GAK: variants seen among roughly 807,000 people sequenced by gnomAD.
GAK encodes cyclin G associated kinase.
A neutral mutation model predicts 143.9 loss-of-function variants in GAK; 79 were observed. The ratio of observed to expected loss-of-function variants is 0.55; its 90% confidence interval spans 0.46 to 0.66. The LOEUF (loss-of-function observed/expected upper bound fraction) is 0.66, where lower values mean the gene tolerates loss of function less well. Ranked by LOEUF, GAK falls within the 30% of genes least tolerant of loss-of-function variation. The pLI, the probability that GAK is intolerant of heterozygous loss-of-function variation, is 0.00. For missense variants in GAK, 1,693 were observed against 1,779.7 expected (o/e 0.95, Z 0.88); for synonymous variants, 881 against 765.5 (o/e 1.15, Z -2.49).
intron 24 of GAK, among the ~76,000 whole-genome samples, chr4:854,788 G>A (rs75178166): frequency 0.039 from 5,986 of 152,316 alleles, 143 homozygotes; most frequent in East Asian, 0.1. Context: ...GCTCACGCCT[G>A]TAATCCCAGC....
At position 932,140 on chromosome 4, in the gene GAK, G is replaced by A. The variant is rs1045993528; in HGVS notation, c.48C>T (p.Ser16=). The change falls in exon 1 of 28, where the codon TCC becomes TCT. Residue 16 remains serine, a synonymous_variant. Transcript: ENST00000314167. This position sits in a 1 kb window ranked among gnomAD's most constrained non-coding sequence, Gnocchi z 4.0. ...SALDFLAGPG[S]LGGASGRDQS... is the part of the protein sequence containing the mutation. ...GGTCGCGGCCGGAAGCACCGCCCAG[G>A]GAGCCTGGACCCGCCAAGAAGTCGA... is the stretch of plus-strand genomic sequence containing the variant. 5.7e-6 allele frequency: 9 copies of A among 1,586,790 alleles called. No individual in the cohort carries two copies. The African/African-American group carries it at 1.1e-4, about 19-fold the overall frequency.
At chr4:892,486 G>C (rs992029853) in intron 9 of GAK, among the ~76,000 whole-genome samples, 1 of 152,224 alleles carries the variant, frequency 6.6e-6, no homozygotes, top group East Asian at 1.9e-4. Flanking sequence ...GGTCAGAAAA[G>C]ACTCTGAGGA....
Position 866,347 on chromosome 4 carries a change from A to G in GAK, c.3043+17T>C, listed in dbSNP as rs1267245089. Reference sequence around the variant, plus strand: ...AGGCGGCCATGGAGAGCTGGCTGCCAGGCGAGAGGCACTTACCCAGGTGCA... The same window carrying G: ...AGGCGGCCATGGAGAGCTGGCTGCCGGGCGAGAGGCACTTACCCAGGTGCA... On this transcript the variant is annotated intron_variant, in intron 22 of 27. Transcript: ENST00000314167. 2.5e-6 allele frequency: 4 copies of G among 1,612,326 alleles called. No homozygotes were observed. Among genetic ancestry groups the G allele is most frequent in the Non-Finnish European group, 2.5e-6 (3 of 1,179,042 alleles).
At chr4:901,096 A>G (rs1029545621) in intron 5 of GAK, among the ~76,000 whole-genome samples, 3 of 152,264 alleles carry the variant, frequency 2.0e-5, no homozygotes, top group African/African-American at 7.2e-5. Flanking sequence ...ATAAAGTAGG[A>G]GTGTACAGCC....
chr4:856,704 T>A (rs1186153670), intron 24 of GAK, among the ~76,000 whole-genome samples: 1 of 89,744 alleles, frequency 1.1e-5, no homozygotes, highest in Non-Finnish European at 2.3e-5. Flanking sequence ...CTGCCCACAT[T>A]TGCTCACCAC....
intron 1 of GAK, among the ~76,000 whole-genome samples, chr4:926,738 C>T (rs56353809): frequency 0.27 from 41,606 of 152,028 alleles, 5,859 homozygotes; most frequent in Non-Finnish European, 0.32. Flanking sequence ...CAGGGGGCAG[C>T]TACTCTGTGG....
At chr4:864,716 A>G (rs1750850031) in intron 23 of GAK, among the ~76,000 whole-genome samples, 1 of 152,134 alleles carries the variant, frequency 6.6e-6, no homozygotes, top group Admixed American at 6.5e-5. Flanking sequence ...GACAAGACCC[A>G]TGGGGTCGGC....
intron 24 of GAK, chr4:853,118 C>T (rs6843215): frequency 0.059 from 9,029 of 152,242 alleles, 307 homozygotes; most frequent in Middle Eastern, 0.088. Flanking sequence ...GTGTGAGCCA[C>T]CATGCCCAGA....
intron 7 of GAK, 43 bp from the exon 8 acceptor site, chr4:894,052 C>A: frequency 6.6e-7 from 1 of 1,515,716 alleles, no homozygotes; most frequent in Non-Finnish European, 8.9e-7. Flanking sequence ...ACGGGGAGCG[C>A]AGGGGTGACG....
intron 14 of GAK, among the ~76,000 whole-genome samples, 183 bp downstream of exon 14, chr4:882,514 G>C (rs1432138917): frequency 6.6e-6 from 1 of 152,242 alleles, no homozygotes; most frequent in Non-Finnish European, 1.5e-5. Flanking sequence ...GGGGAGGGAA[G>C]GGCGGGGCCA....
chr4:910,765 AGG>A (rs764401159), intron 4 of GAK, among the ~76,000 whole-genome samples: 5 of 90,902 alleles, frequency 5.5e-5, no homozygotes, highest in Admixed American at 3.9e-4. Context: ...GGACAGACGC[AGG>A]GGTCACTAGT....
chr4:851,089 A>G lies in GAK; in HGVS notation c.3509-5T>C. 3.7e-6 allele frequency: 6 copies of G among 1,612,394 alleles called. No homozygotes were observed. Among genetic ancestry groups the G allele is most frequent in the Non-Finnish European group, 5.1e-6 (6 of 1,179,192 alleles). ...CAGAGACTTTTGGCTTTTGAGCTAG[A>G]AAAGAACAGAAACTTTTTTTTGTTT... On this transcript the variant is annotated splice_polypyrimidine_tract_variant and splice_region_variant and intron_variant, in intron 25 of 27. Coordinates refer to ENST00000314167, the MANE Select transcript of GAK (RefSeq NM_005255.4).
chr4:916,288 C>T (rs938271254), intron 1 of GAK, among the ~76,000 whole-genome samples: 1 of 152,120 alleles, frequency 6.6e-6, no homozygotes, highest in African/African-American at 2.4e-5. Flanking sequence ...GAGACAGGGT[C>T]CTACTCTGTC....
At chr4:902,849 A>G (rs1487134972) in intron 5 of GAK, among the ~76,000 whole-genome samples, 2 of 152,220 alleles carry the variant, frequency 1.3e-5, no homozygotes, top group Non-Finnish European at 2.9e-5. Context: ...CACACAAGCC[A>G]GTGGAAAATC....
intron 4 of GAK, among the ~76,000 whole-genome samples, chr4:907,515 CT>C (rs796693312): frequency 3.3e-5 from 5 of 152,340 alleles, no homozygotes; most frequent in African/African-American, 1.2e-4. Context: ...ATGGGCGAGT[CT>C]GTTTCAGTGG....
At chr4:858,151 C>A in intron 24 of GAK, among the ~76,000 whole-genome samples, 1 of 152,244 alleles carries the variant, frequency 6.6e-6, no homozygotes, top group East Asian at 1.9e-4. Flanking sequence ...AAGGTCCGTG[C>A]CTGCAGCTGG....
Position 924,176 on chromosome 4 carries a change from CA to C in GAK, c.145+7866del, listed in dbSNP as rs71640369. ...CTCCAGCCTGGGCAAGACTCCCTCT[CA>C]AAAAAAAAAAAAAAAAAAAATTGCT... On this transcript the variant is annotated intron_variant, in intron 1 of 27. Coordinates refer to ENST00000314167, the MANE Select transcript of GAK (RefSeq NM_005255.4). 2.6e-3 allele frequency among the ~76,000 whole-genome samples: 260 copies of C among 99,830 alleles called. 1 individual carries two copies. The highest frequency in any genetic ancestry group is 8.5e-3 in the African/African-American group (209 of 24,680). The allele number at this position is 99,830 out of a possible 152,430, so 65.5% of individuals were successfully genotyped here.
rs761890011 is a variant in GAK, at chr4:883,405, C to T, written c.1314G>A (p.Val438=). Residue 438 remains valine, a synonymous_variant, in exon 13 of 28, where the codon GTG becomes GTA. Transcript: ENST00000314167. Reference sequence around the variant, plus strand: ...GGTGCTTGGAGTCCAGGAACAACCGCACATCTTCGATGTTGTTTTTGAGCG... The same window carrying T: ...GGTGCTTGGAGTCCAGGAACAACCGTACATCTTCGATGTTGTTTTTGAGCG... The part of the protein sequence containing the change: ...ESALKNNIED[V]RLFLDSKHPG... 6.2e-7 allele frequency: 1 copy of T among 1,613,798 alleles called. No individual in the cohort carries two copies. Among genetic ancestry groups the T allele is most frequent in the South Asian group, 1.1e-5 (1 of 91,090 alleles).
At chr4:866,286 A>G (rs1023968946) in intron 22 of GAK, 78 bp downstream of exon 22, 5 of 1,439,470 alleles carry the variant, frequency 3.5e-6, no homozygotes, top group Middle Eastern at 2.2e-4. Flanking sequence ...TGAGACCCAC[A>G]GCTCTGTTTC....
Sources: allele counts gnomAD v4.1 joint callset (sites outside exome capture counted in the v4.1 genomes callset), GRCh38; gene constraint gnomAD v4.1.1; non-coding constraint Gnocchi (gnomAD v3.1); transcripts MANE v1.5; gene names NCBI Gene and HGNC (gene_info 2026-07-23, HGNC 2026-07-21).